KCNIP3: variants seen among roughly 807,000 people sequenced by gnomAD.
The protein encoded by KCNIP3 is potassium voltage-gated channel interacting protein 3, also known as calsenilin.
KCNIP3 carries 28 observed loss-of-function variants against 35.0 expected under a neutral mutation model. The ratio of observed to expected loss-of-function variants is 0.80; its 90% CI spans 0.59 to 1.10. The LOEUF (loss-of-function observed/expected upper bound fraction) is 1.10, where lower values mean the gene tolerates loss of function less well. Among genes scored for constraint, KCNIP3 ranks in the 50% least tolerant of loss-of-function variants. KCNIP3 has a pLI of 0.00. For synonymous variants in KCNIP3, 134 were observed against 133.8 expected, an observed-to-expected ratio of 1.00 and a Z score of -0.01; for missense variants, 295 against 338.4, an observed-to-expected ratio of 0.87 and a Z score of 1.01.
chr2:95,308,431 ATCTCCCTGCCTAG>A (rs1678231670), intron 1 of KCNIP3, among the ~76,000 whole-genome samples: 1 of 152,172 alleles, frequency 6.6e-6, no homozygotes, highest in Non-Finnish European at 1.5e-5. Context: ...GGAACTGGAC[ATCTCCCTGCCTAG>A]GGGACCACTT....
Position 95,365,067 on chromosome 2 carries a change from G to A in KCNIP3, c.182-9229G>A, listed in dbSNP as rs183207739. Among the ~76,000 whole-genome samples, 402 of 151,804 alleles carry A rather than the reference G, an allele frequency of 2.6e-3. 1 individual carries two copies. Among genetic ancestry groups the A allele is most frequent in the Middle Eastern group, 6.8e-3 (2 of 292 alleles). On this transcript the variant is annotated intron_variant, in intron 2 of 8. Coordinates refer to ENST00000295225, the MANE Select transcript of KCNIP3 (RefSeq NM_013434.5). ...TGCACTCCAGCCTGGACAACAGAGT[G>A]AGACCCTGTCTCAAAAAAATAAAAA...
chr2:95,310,376 G>A lies in KCNIP3; in HGVS notation c.37G>A (p.Gly13Ser), dbSNP rs1352755987. 4 of 1,611,792 alleles carry A rather than the reference G, an allele frequency of 2.5e-6. No individual in the cohort carries two copies. Among genetic ancestry groups the A allele is most frequent in the African/African-American group, 1.3e-5 (1 of 74,888 alleles). ...GCAGGAAGTGACAAAGGCGTCGGAC[G>A]GCAGCCTCCTGGGGGACCTCGGGCA... ...PAKEVTKASD[G>S]SLLGDLGHTP... The change falls in exon 2 of 9, where the codon GGC becomes AGC. Residue 13 changes from glycine (G) to serine (S), a missense_variant. Coordinates refer to ENST00000295225, the MANE Select transcript of KCNIP3 (RefSeq NM_013434.5).
At position 95,374,855 on chromosome 2, in the gene KCNIP3, C is replaced by T; in HGVS notation, c.314C>T (p.Pro105Leu). Residue 105 changes from proline (P) to leucine (L), a missense_variant, in exon 4 of 9, where the codon CCC becomes CTC. Physicochemically the swap from Pro to Leu is moderately conservative, Grantham distance 98 (BLOSUM62 -3). Transcript: ENST00000295225. Reference protein sequence around the residue: ...SLYRGFKNECPTGLVDEDTFK... With the variant: ...SLYRGFKNECLTGLVDEDTFK... ...GGTGCCTTCCTGCTGCAGGAGTGTC[C>T]CACGGGCCTGGTGGACGAAGACACC... 1.2e-6 allele frequency: 2 copies of T among 1,613,768 alleles called. No homozygotes were observed. The highest frequency in any genetic ancestry group is 1.7e-5 in the Admixed American group (1 of 60,024).
At chr2:95,325,129 A>T (rs1344104768) in intron 2 of KCNIP3, among the ~76,000 whole-genome samples, 1 of 152,112 alleles carries the variant, frequency 6.6e-6, no homozygotes, top group Non-Finnish European at 1.5e-5. Flanking sequence ...CTTTGGAGCA[A>T]GGTGCAGCCA....
chr2:95,305,888 C>T (rs1336782087), intron 1 of KCNIP3, among the ~76,000 whole-genome samples: 1 of 152,240 alleles, frequency 6.6e-6, no homozygotes, highest in Admixed American at 6.5e-5. Flanking sequence ...TTTAATCATT[C>T]ACCCATTGAA....
rs1395562459 is a variant in KCNIP3 at position 95,310,398 on chromosome 2, G to A, written c.59G>A (p.Gly20Glu). The change falls in exon 2 of 9, where the codon GGG becomes GAG. Residue 20 changes from glycine to glutamate, a missense_variant. By Grantham distance (98) the Gly-to-Glu change is moderately conservative. Transcript: ENST00000295225. ...ASDGSLLGDL[G>E]HTPLSKKEGI... The stretch of plus-strand genomic sequence containing the variant: ...GACGGCAGCCTCCTGGGGGACCTCG[G>A]GCACACACCACTTAGCAAGAAGGAG... 4 of 1,613,364 alleles carry A rather than the reference G, an allele frequency of 2.5e-6. No individual in the cohort carries two copies. The highest frequency in any genetic ancestry group is 3.4e-6 in the Non-Finnish European group (4 of 1,179,674).
chr2:95,360,135 C>G (rs1425384644), intron 2 of KCNIP3, among the ~76,000 whole-genome samples: 1 of 150,746 alleles, frequency 6.6e-6, no homozygotes, highest in Non-Finnish European at 1.5e-5. Flanking sequence ...CAGTTCATCA[C>G]TCTTAAATTC....
intron 1 of KCNIP3, among the ~76,000 whole-genome samples, chr2:95,306,435 C>T (rs537059317): frequency 1.3e-5 from 2 of 152,272 alleles, no homozygotes; most frequent in South Asian, 2.1e-4. Context: ...GTTCCACTCT[C>T]GCAGAGCTGA....
chr2:95,376,803 G>A lies in KCNIP3; in HGVS notation c.447+1595G>A, dbSNP rs906078649. 3.7e-4 allele frequency among the ~76,000 whole-genome samples: 57 copies of A among 152,144 alleles called. No individual in the cohort carries two copies. The highest frequency in any genetic ancestry group is 1.3e-3 in the African/African-American group (52 of 41,424). ...CACCAAATCTAGTCTGGAGAACACC[G>A]GGCCATCCTCACTGCCAGCCCTCAG... On this transcript the variant is annotated intron_variant, in intron 5 of 8. Coordinates refer to ENST00000295225, the MANE Select transcript of KCNIP3 (RefSeq NM_013434.5). The surrounding 1 kb of genome is among the most constrained non-coding windows in gnomAD (Gnocchi z 4.2).
chr2:95,376,163 G>C lies in KCNIP3; in HGVS notation c.447+955G>C, dbSNP rs1573521130. The stretch of plus-strand genomic sequence containing the variant: ...GTTTTCAAATCTTGTTTTCAGATTT[G>C]AAATACCAACCCCACAGCACACAGA... On this transcript the variant is annotated intron_variant, in intron 5 of 8. Transcript: ENST00000295225. This position sits in a 1 kb window ranked among gnomAD's most constrained non-coding sequence, Gnocchi z 4.2. Among the ~76,000 whole-genome samples, 1 of 152,306 alleles carries C rather than the reference G, an allele frequency of 6.6e-6. No individual in the cohort carries two copies. Among genetic ancestry groups the C allele is most frequent in the African/African-American group, 2.4e-5 (1 of 41,552 alleles).
At chr2:95,340,176 A>G (rs1413882077) in intron 2 of KCNIP3, among the ~76,000 whole-genome samples, 1 of 152,168 alleles carries the variant, frequency 6.6e-6, no homozygotes, top group Non-Finnish European at 1.5e-5. Flanking sequence ...TGTCTCTACT[A>G]AAAATACAAA....
At chr2:95,316,172 C>T (rs1447023722) in intron 2 of KCNIP3, among the ~76,000 whole-genome samples, 1 of 152,226 alleles carries the variant, frequency 6.6e-6, no homozygotes, top group African/African-American at 2.4e-5. Flanking sequence ...AGCATTCCAA[C>T]TTGCCTTAGA....
intron 2 of KCNIP3, among the ~76,000 whole-genome samples, chr2:95,354,048 A>C (rs1190317888): frequency 6.6e-6 from 1 of 152,156 alleles, no homozygotes; most frequent in Non-Finnish European, 1.5e-5. Flanking sequence ...CTGGCCGAGG[A>C]CTGGGAGTGC....
rs1680467512 is a variant in KCNIP3, at chr2:95,385,169, C to G, written c.*1120C>G. 1 of 152,936 alleles carries G rather than the reference C, an allele frequency of 6.5e-6. No homozygotes were observed. The highest frequency in any genetic ancestry group is 1.5e-5 in the Non-Finnish European group (1 of 68,320). The allele number at this position is 152,936 out of a possible 1,614,324, so 9.5% of individuals were successfully genotyped here. A position where few individuals can be genotyped will look rare whatever the true frequency, so the allele number is the denominator to read the frequency against. On this transcript the variant is annotated 3_prime_UTR_variant, in exon 9 of 9. Transcript: ENST00000295225. ...CTAGTGGGAGCCCAGCACACTGCTT[C>G]TCGGAGGCCAGGCCCTCCTGCTGGC...
At chr2:95,381,312 T>C (rs1350641179) in intron 5 of KCNIP3, among the ~76,000 whole-genome samples, 1 of 151,010 alleles carries the variant, frequency 6.6e-6, no homozygotes, top group Non-Finnish European at 1.5e-5. Context: ...CCCTCACAGG[T>C]TCACACATAC....
chr2:95,345,869 G>A (rs1679342330), intron 2 of KCNIP3, among the ~76,000 whole-genome samples: 1 of 152,202 alleles, frequency 6.6e-6, no homozygotes, highest in African/African-American at 2.4e-5. Context: ...ACCCACAAAC[G>A]AATAAGCATG....
intron 2 of KCNIP3, among the ~76,000 whole-genome samples, chr2:95,323,087 C>T (rs1200654445): frequency 2.0e-5 from 3 of 152,178 alleles, no homozygotes; most frequent in African/African-American, 7.2e-5. Context: ...CCAAATAGAA[C>T]ATGTAGGAGG....
At chr2:95,311,282 TACAC>T (rs1453308967) in intron 2 of KCNIP3, 4 of 153,348 alleles carry the variant, frequency 2.6e-5, no homozygotes, top group African/African-American at 7.2e-5. Context: ...AGGCATACCA[TACAC>T]ACTTGCATAC....
At chr2:95,311,393 T>A (rs1471411254) in intron 2 of KCNIP3, 4 of 152,230 alleles carry the variant, frequency 2.6e-5, no homozygotes, top group African/African-American at 9.7e-5. Flanking sequence ...CCTCTGACTT[T>A]AAGGAAAAGG....
Sources: gnomAD v4.1 joint callset for allele counts (sites outside exome capture counted in the v4.1 genomes callset) on GRCh38, gnomAD v4.1.1 for gene constraint, Gnocchi (gnomAD v3.1) non-coding constraint, MANE v1.5 for transcripts, NCBI Gene and HGNC (gene_info 2026-07-23, HGNC 2026-07-21) for gene names.